The following DPYD variants were observed in gnomAD, a reference collection of about 807,000 sequenced individuals.
DPYD encodes the protein dihydropyrimidine dehydrogenase.
DPYD carries 109 observed loss-of-function variants against 116.2 expected under a neutral mutation model. The ratio of observed to expected loss-of-function variants is 0.94; its 90% CI spans 0.80 to 1.10. The LOEUF (loss-of-function observed/expected upper bound fraction) is 1.10. Ranked by LOEUF, DPYD falls within the 50% of genes least tolerant of loss-of-function variation. DPYD has a pLI of 0.00. For missense variants in DPYD, 1,302 were observed against 1,254.5 expected (o/e 1.04, Z -0.57); for synonymous variants, 440 against 432.0 (o/e 1.02, Z -0.23).
chr1:97,528,685 T>C (rs1649335411), intron 12 of DPYD, among the ~76,000 whole-genome samples: 1 of 152,162 alleles, frequency 6.6e-6, no homozygotes, highest in Non-Finnish European at 1.5e-5. Flanking sequence ...CTGTTAATTG[T>C]ATTATTTTTG....
chr1:97,610,137 A>G (rs1655848546), intron 8 of DPYD, among the ~76,000 whole-genome samples: 1 of 152,034 alleles, frequency 6.6e-6, no homozygotes, highest in Non-Finnish European at 1.5e-5. Context: ...TCAAAAAAGT[A>G]TAAATCTTCA....
rs377644441 is a variant in DPYD, at chr1:97,239,443, T to C, written c.2300-4449A>G. 7.9e-5 allele frequency among the ~76,000 whole-genome samples: 12 copies of C among 152,180 alleles called. No homozygotes were observed. The East Asian group carries it at 1.5e-3, about 20-fold the overall frequency. Reference sequence around the variant, plus strand: ...CTTCATTTATCCATTCATCTGTCTATCCACAAAATATTTTTTAAGCACCTA... The same window carrying C: ...CTTCATTTATCCATTCATCTGTCTACCCACAAAATATTTTTTAAGCACCTA... On this transcript the variant is annotated intron_variant, in intron 18 of 22. Coordinates refer to ENST00000370192, the MANE Select transcript of DPYD (RefSeq NM_000110.4).
At chr1:97,799,767 G>A (rs886839126) in intron 3 of DPYD, among the ~76,000 whole-genome samples, 2 of 151,820 alleles carry the variant, frequency 1.3e-5, no homozygotes, top group Non-Finnish European at 2.9e-5. Flanking sequence ...TTCAATAAAT[G>A]CAGGTAAAGT....
At chr1:97,220,740 C>A (rs17116564) in intron 19 of DPYD, among the ~76,000 whole-genome samples, 1,742 of 152,124 alleles carry the variant, frequency 0.011, 38 homozygotes, top group African/African-American at 0.04. Flanking sequence ...ATGGTTTTTC[C>A]ACAAAATCTT....
chr1:97,803,226 C>A (rs1452210731), intron 3 of DPYD, among the ~76,000 whole-genome samples: 1 of 151,846 alleles, frequency 6.6e-6, no homozygotes, highest in Non-Finnish European at 1.5e-5. Context: ...ACGACTCCTG[C>A]TGTGCTAAAC....
intron 20 of DPYD, among the ~76,000 whole-genome samples, chr1:97,149,130 T>C (rs1020270626): frequency 1.3e-5 from 2 of 152,258 alleles, no homozygotes; most frequent in East Asian, 3.8e-4. Flanking sequence ...TAATATGTGT[T>C]GATTATCATA....
intron 15 of DPYD, among the ~76,000 whole-genome samples, chr1:97,376,580 C>A (rs1053307447): frequency 6.6e-6 from 1 of 152,006 alleles, no homozygotes; most frequent in African/African-American, 2.4e-5. Context: ...ATGCACACCA[C>A]CTTAAAAGGC....
intron 16 of DPYD, among the ~76,000 whole-genome samples, chr1:97,314,321 T>C (rs1667687292): frequency 6.6e-6 from 1 of 151,892 alleles, no homozygotes; most frequent in Non-Finnish European, 1.5e-5. Context: ...TCCATATTTT[T>C]ATCAGCTAAG....
intron 3 of DPYD, among the ~76,000 whole-genome samples, chr1:97,809,158 A>G (rs1668229636): frequency 6.6e-6 from 1 of 152,218 alleles, no homozygotes; most frequent in Non-Finnish European, 1.5e-5. Context: ...ACCAAATTAA[A>G]AGATCACTCA....
At chr1:97,892,333 C>T (rs1319950394) in intron 1 of DPYD, among the ~76,000 whole-genome samples, 1 of 151,768 alleles carries the variant, frequency 6.6e-6, no homozygotes, top group Non-Finnish European at 1.5e-5. Context: ...TTAACAGTCT[C>T]TTGTTTAAAA....
chr1:97,275,534 G>A (rs144160848), intron 18 of DPYD, among the ~76,000 whole-genome samples: 28 of 152,150 alleles, frequency 1.8e-4, no homozygotes, highest in Non-Finnish European at 3.5e-4. Flanking sequence ...CTGCGTAATA[G>A]TAGTTACAAA....
chr1:97,787,488 AAG>A (rs1414963224), intron 3 of DPYD, among the ~76,000 whole-genome samples: 1 of 152,216 alleles, frequency 6.6e-6, no homozygotes, highest in African/African-American at 2.4e-5. Context: ...AAGAAGAAGA[AAG>A]AGGTCTATTT....
At chr1:97,796,624 A>G (rs982460018) in intron 3 of DPYD, among the ~76,000 whole-genome samples, 4 of 152,146 alleles carry the variant, frequency 2.6e-5, no homozygotes, top group Non-Finnish European at 4.4e-5. Context: ...TGAATCAACA[A>G]AAGAGGAAAA....
chr1:97,715,498 A>G (rs543221671), intron 5 of DPYD, among the ~76,000 whole-genome samples: 1 of 152,250 alleles, frequency 6.6e-6, no homozygotes, highest in Non-Finnish European at 1.5e-5. Flanking sequence ...AGTGCTGATC[A>G]ATGCCCAATC....
chr1:97,452,676 A>G (rs1428665860), intron 13 of DPYD, among the ~76,000 whole-genome samples: 2 of 152,188 alleles, frequency 1.3e-5, no homozygotes, highest in South Asian at 2.1e-4. Context: ...TACTGTCCTC[A>G]TGATAATGAG....
chr1:97,423,981 G>A (rs558049638), intron 14 of DPYD, among the ~76,000 whole-genome samples: 10 of 152,038 alleles, frequency 6.6e-5, no homozygotes, highest in Admixed American at 5.2e-4. Flanking sequence ...CTGATTCTCA[G>A]ATTTGCACCT....
chr1:97,549,577 T>G lies in DPYD; in HGVS notation c.1507A>C (p.Ile503Leu). The change falls in exon 12 of 23, where the codon ATT becomes CTT. Residue 503 changes from isoleucine to leucine, a missense_variant. Coordinates refer to ENST00000370192, the MANE Select transcript of DPYD (RefSeq NM_000110.4). ...ATGCCTACCTGTACGTATTTGTGAA[T>G]GTACCAAGAAGCTTGCTTTCCATCA... ...VNDGKQASWY[I>L]HKYVQSQYGA... 1 of 1,613,852 alleles carries G rather than the reference T, an allele frequency of 6.2e-7. No homozygotes were observed. Among genetic ancestry groups the G allele is most frequent in the East Asian group, 2.2e-5 (1 of 44,848 alleles).
At chr1:97,415,182 G>A (rs1674223678) in intron 14 of DPYD, among the ~76,000 whole-genome samples, 1 of 152,130 alleles carries the variant, frequency 6.6e-6, no homozygotes, top group Admixed American at 6.5e-5. Flanking sequence ...GACATTGGTA[G>A]AATGAAAAGC....
intron 3 of DPYD, among the ~76,000 whole-genome samples, chr1:97,753,786 T>A (rs1257474940): frequency 2.0e-5 from 3 of 151,850 alleles, no homozygotes; most frequent in Non-Finnish European, 4.4e-5. Flanking sequence ...AAACAACATT[T>A]ATAACTATCA....
Sources: allele counts gnomAD v4.1 joint callset (sites outside exome capture counted in the v4.1 genomes callset), GRCh38; gene constraint gnomAD v4.1.1; transcripts MANE v1.5; gene names NCBI Gene and HGNC (gene_info 2026-07-23, HGNC 2026-07-21).